ADAMTS3: variants seen among roughly 807,000 people sequenced by gnomAD.
ADAMTS3 encodes ADAM metallopeptidase with thrombospondin type 1 motif 3.
In ADAMTS3, 73 loss-of-function variants were observed where a neutral mutation model predicts 129.0. The observed-to-expected ratio is 0.57, with a 90% CI of 0.47 to 0.69. The LOEUF is 0.69. Among genes scored for constraint, ADAMTS3 ranks in the 30% least tolerant of loss-of-function variants. The pLI is 0.00. For synonymous variants in ADAMTS3, 477 were observed against 510.8 expected (o/e 0.93, Z 0.89); for missense variants, 1,457 against 1,514.5 (o/e 0.96, Z 0.63).
intron 3 of ADAMTS3, among the ~76,000 whole-genome samples, chr4:72,435,032 A>C (rs1344577830): frequency 1.3e-5 from 2 of 151,890 alleles, no homozygotes; most frequent in East Asian, 1.9e-4. Flanking sequence ...TAAGCCTCTA[A>C]ACAGCATAAA....
rs1400345259 is a variant in ADAMTS3, at chr4:72,288,883, G to A, written c.2932-15C>T. 19 of 1,462,184 alleles carry A rather than the reference G, an allele frequency of 1.3e-5. No individual in the cohort carries two copies. The highest frequency in any genetic ancestry group is 1.7e-5 in the Non-Finnish European group (18 of 1,072,008). 90.6% of individuals were successfully genotyped at this position (1,462,184 alleles called of 1,614,324 possible). A position where few individuals can be genotyped will look rare whatever the true frequency, so the allele number is the denominator to read the frequency against. On this transcript the variant is annotated splice_polypyrimidine_tract_variant and intron_variant, in intron 20 of 21. Transcript: ENST00000286657. ...GTCACTGAACACTGCAGAGACAAAG[G>A]CTGTGGTTACAGACATTTATTGCAC...
intron 6 of ADAMTS3, 22 bp from the exon 7 acceptor site, chr4:72,320,892 A>T (rs1246259754): frequency 1.3e-6 from 2 of 1,599,282 alleles, no homozygotes; most frequent in Admixed American, 3.5e-5. Context: ...CAATATGTTA[A>T]AGACACACCT....
chr4:72,410,507 G>C (rs1460869709), intron 4 of ADAMTS3, among the ~76,000 whole-genome samples: 1 of 152,124 alleles, frequency 6.6e-6, no homozygotes, highest in Non-Finnish European at 1.5e-5. Context: ...TGAATGAATA[G>C]TGGGTAATTT....
intron 3 of ADAMTS3, among the ~76,000 whole-genome samples, chr4:72,487,307 A>T (rs1435476335): frequency 6.6e-6 from 1 of 152,152 alleles, no homozygotes; most frequent in Non-Finnish European, 1.5e-5. Flanking sequence ...TTAAGAAGGA[A>T]AAAAGGATGC....
intron 3 of ADAMTS3, among the ~76,000 whole-genome samples, chr4:72,502,098 G>A (rs965686740): frequency 1.6e-4 from 24 of 152,068 alleles, no homozygotes; most frequent in African/African-American, 5.8e-4. Context: ...GTCTTTGCCA[G>A]GTTTTGGTAT....
At position 72,569,012 on chromosome 4, in the gene ADAMTS3, GAGA is replaced by G; in HGVS notation, c.-253_-251del. 1 of 554,958 alleles carries G rather than the reference GAGA, an allele frequency of 1.8e-6. No homozygotes were observed. Among genetic ancestry groups the G allele is most frequent in the Non-Finnish European group, 3.2e-6 (1 of 311,540 alleles). 34.4% of individuals were successfully genotyped at this position (554,958 alleles called of 1,614,324 possible). A position where few individuals can be genotyped will look rare whatever the true frequency, so the allele number is the denominator to read the frequency against. On this transcript the variant is annotated 5_prime_UTR_variant, in exon 1 of 22. Coordinates refer to ENST00000286657, the MANE Select transcript of ADAMTS3 (RefSeq NM_014243.3). ...CTCCCAACACAGAGTGTGCAGGAGC[GAGA>G]AGGTGCTGTAAGCGGGCACAGGCTA...
intron 12 of ADAMTS3, 31 bp downstream of exon 12, chr4:72,313,646 A>G (rs1301671065): frequency 1.9e-6 from 3 of 1,608,194 alleles, no homozygotes; most frequent in Non-Finnish European, 2.6e-6. Flanking sequence ...GGTCTCTCCA[A>G]AAATAACAAG....
intron 18 of ADAMTS3, among the ~76,000 whole-genome samples, chr4:72,297,005 A>T (rs1038997359): frequency 1.3e-5 from 2 of 152,110 alleles, no homozygotes; most frequent in African/African-American, 4.8e-5. Flanking sequence ...GATTCAAGGG[A>T]TTCATTTTTA....
chr4:72,438,011 GT>G (rs1475266048), intron 3 of ADAMTS3, among the ~76,000 whole-genome samples: 1 of 151,576 alleles, frequency 6.6e-6, no homozygotes, highest in African/African-American at 2.4e-5. Flanking sequence ...TTTTGTTGTT[GT>G]TTCTTTTGTG....
At chr4:72,533,134 T>C (rs1017160764) in intron 3 of ADAMTS3, among the ~76,000 whole-genome samples, 3 of 152,284 alleles carry the variant, frequency 2.0e-5, no homozygotes, top group African/African-American at 7.2e-5. Context: ...CACAAACACA[T>C]TGTACATCTG....
chr4:72,550,859 A>T (rs1295960747), intron 2 of ADAMTS3, among the ~76,000 whole-genome samples: 1 of 152,198 alleles, frequency 6.6e-6, no homozygotes, highest in African/African-American at 2.4e-5. Context: ...GACAAAACAT[A>T]GCCCAAATTA....
intron 3 of ADAMTS3, among the ~76,000 whole-genome samples, chr4:72,500,933 C>T (rs187688231): frequency 4.6e-5 from 7 of 152,022 alleles, no homozygotes; most frequent in Admixed American, 4.6e-4. Flanking sequence ...AGGCATGTGG[C>T]TTTATTTCTG....
At chr4:72,387,561 TTTG>T (rs1453968311) in intron 4 of ADAMTS3, among the ~76,000 whole-genome samples, 1 of 152,154 alleles carries the variant, frequency 6.6e-6, no homozygotes, top group African/African-American at 2.4e-5. Flanking sequence ...AACTGACACC[TTTG>T]GGGAAGGGAG....
intron 3 of ADAMTS3, among the ~76,000 whole-genome samples, chr4:72,416,623 C>A (rs1338429479): frequency 6.6e-6 from 1 of 152,130 alleles, no homozygotes; most frequent in Non-Finnish European, 1.5e-5. Flanking sequence ...TATACTTAGT[C>A]ATGTACTATG....
intron 3 of ADAMTS3, among the ~76,000 whole-genome samples, chr4:72,468,151 T>C (rs1718971048): frequency 6.6e-6 from 1 of 152,092 alleles, no homozygotes; most frequent in Non-Finnish European, 1.5e-5. Context: ...TATCTAAAAA[T>C]AGTGAAATGA....
intron 17 of ADAMTS3, among the ~76,000 whole-genome samples, chr4:72,302,180 A>G (rs888092689): frequency 6.6e-6 from 1 of 152,166 alleles, no homozygotes; most frequent in Non-Finnish European, 1.5e-5. Flanking sequence ...TCGAGTGTAC[A>G]AGAAAAAAAG....
At chr4:72,501,562 A>G (rs1016987611) in intron 3 of ADAMTS3, among the ~76,000 whole-genome samples, 2 of 152,102 alleles carry the variant, frequency 1.3e-5, no homozygotes, top group African/African-American at 4.8e-5. Flanking sequence ...TATCATGAGC[A>G]AAGAGAGATA....
At chr4:72,304,879 T>C (rs1255708256) in intron 16 of ADAMTS3, among the ~76,000 whole-genome samples, 1 of 152,092 alleles carries the variant, frequency 6.6e-6, no homozygotes, top group South Asian at 2.1e-4. Flanking sequence ...GGTCTATTTT[T>C]TCCAAGGACA....
intron 3 of ADAMTS3, among the ~76,000 whole-genome samples, chr4:72,453,780 C>T (rs1490896218): frequency 6.6e-6 from 1 of 151,418 alleles, no homozygotes; most frequent in Non-Finnish European, 1.5e-5. Context: ...TAAACAGAGA[C>T]AACTCATGGA....
Sources: gnomAD v4.1 joint callset for allele counts (sites outside exome capture counted in the v4.1 genomes callset) on GRCh38, gnomAD v4.1.1 for gene constraint, MANE v1.5 for transcripts, NCBI Gene and HGNC (gene_info 2026-07-23, HGNC 2026-07-21) for gene names.